CELF2: variants seen among roughly 807,000 people sequenced by gnomAD.
CELF2 encodes the protein CUG triplet repeat RNA-binding protein 2.
A neutral mutation model predicts 62.6 loss-of-function variants in CELF2; 8 were observed. The ratio of observed to expected loss-of-function variants is 0.13; its 90% CI spans 0.07 to 0.23. CELF2 has a LOEUF of 0.23. Ranked by LOEUF, CELF2 falls within the 10% of genes least tolerant of loss-of-function variation. The pLI, the probability that CELF2 is intolerant of heterozygous loss-of-function variation, is 1.00. For synonymous variants in CELF2, 258 were observed against 250.0 expected (o/e 1.03, Z -0.30); for missense variants, 333 against 671.0 (o/e 0.50, Z 5.56).
chr10:11,176,871 A>C (rs1596679154), intron 2 of CELF2, among the ~76,000 whole-genome samples: 1 of 152,156 alleles, frequency 6.6e-6, no homozygotes, highest in South Asian at 2.1e-4. Flanking sequence ...AGCTACACTC[A>C]GTTTTGAAGA....
chr10:11,281,860 A>ATCTTCTGTTCAT (rs2088940452), intron 8 of CELF2, among the ~76,000 whole-genome samples: 1 of 152,262 alleles, frequency 6.6e-6, no homozygotes, highest in African/African-American at 2.4e-5. Context: ...TGAAGACACG[A>ATCTTCTGTTCAT]TCACAAGTTC....
At chr10:11,179,756 CT>C (rs1351286983) in intron 2 of CELF2, among the ~76,000 whole-genome samples, 31 of 152,244 alleles carry the variant, frequency 2.0e-4, no homozygotes, top group African/African-American at 6.5e-4. Flanking sequence ...TCTTTCCCCC[CT>C]GAAGGCTCTG....
chr10:10,886,638 G>A (rs968576664), intron 1 of CELF2, among the ~76,000 whole-genome samples: 1 of 152,152 alleles, frequency 6.6e-6, no homozygotes, highest in Non-Finnish European at 1.5e-5. Flanking sequence ...GAAGTTCAAG[G>A]CCAGCCTAGG....
At chr10:11,071,695 C>T (rs965397670) in intron 1 of CELF2, 3 of 152,180 alleles carry the variant, frequency 2.0e-5, no homozygotes, top group Admixed American at 2.0e-4. Context: ...GGAAGTAGTT[C>T]TGAGAAATGA....
At chr10:11,147,969 A>G (rs1425637966) in intron 1 of CELF2, among the ~76,000 whole-genome samples, 1 of 152,254 alleles carries the variant, frequency 6.6e-6, no homozygotes, top group African/African-American at 2.4e-5. Context: ...AGACGGCCAC[A>G]GGGCAGAATG....
At chr10:10,803,354 C>T (rs2054864670) in intron 1 of CELF2, among the ~76,000 whole-genome samples, 1 of 152,250 alleles carries the variant, frequency 6.6e-6, no homozygotes, top group South Asian at 2.1e-4. Flanking sequence ...AATCTCCTCC[C>T]TCTCTCCCCA....
the CELF2 span, among the ~76,000 whole-genome samples, chr10:10,507,541 A>T: frequency 6.6e-6 from 1 of 152,196 alleles, no homozygotes; most frequent in Non-Finnish European, 1.5e-5. Flanking sequence ...AGTCCAGAGG[A>T]TATAGTAGGG....
At position 10,914,541 on chromosome 10, in the gene CELF2, T is replaced by C. The variant is rs975596070; in HGVS notation, c.54-5423T>C. Among the ~76,000 whole-genome samples, 5 of 152,204 alleles carry C rather than the reference T, an allele frequency of 3.3e-5. 1 individual carries two copies. The highest frequency in any genetic ancestry group is 1.3e-4 in the Admixed American group (2 of 15,278). ...ACACAGGGGACACTTGTCTGCTATC[T>C]TTTTCGGGATTTTTTTCCTTCAATA... On this transcript the variant is annotated intron_variant, in intron 1 of 13. Coordinates refer to the CELF2 transcript ENST00000636488.
chr10:10,918,076 C>A (rs1305668316), intron 1 of CELF2: 1 of 152,240 alleles, frequency 6.6e-6, no homozygotes, highest in East Asian at 1.9e-4. Context: ...TCAAGGTCAA[C>A]GAGGCCAGAA....
At chr10:11,080,745 C>T (rs2073788324) in intron 1 of CELF2, among the ~76,000 whole-genome samples, 2 of 152,182 alleles carry the variant, frequency 1.3e-5, no homozygotes, top group Non-Finnish European at 2.9e-5. Context: ...AGCCCCTATT[C>T]CGGAGGTGGA....
chr10:11,325,338 T>C (rs991731571), intron 11 of CELF2, among the ~76,000 whole-genome samples: 4 of 152,224 alleles, frequency 2.6e-5, no homozygotes, highest in African/African-American at 9.6e-5. Context: ...ATTTGGCAAA[T>C]CAAAACTGGC....
the CELF2 span, among the ~76,000 whole-genome samples, chr10:10,567,203 C>T: frequency 6.6e-6 from 1 of 152,176 alleles, no homozygotes; most frequent in Non-Finnish European, 1.5e-5. Flanking sequence ...ATGGTAGAGA[C>T]ACCTGAAGAA....
At chr10:10,558,864 C>A in the CELF2 span, among the ~76,000 whole-genome samples, 1 of 151,934 alleles carries the variant, frequency 6.6e-6, no homozygotes. Flanking sequence ...TTATATTTCA[C>A]TGGGCACATG....
the CELF2 span, among the ~76,000 whole-genome samples, chr10:10,781,418 C>G: frequency 5.6e-4 from 86 of 152,290 alleles, no homozygotes; most frequent in African/African-American, 1.9e-3. Flanking sequence ...AATGGACTCA[C>G]AGTTCCACAT....
chr10:10,905,034 T>C (rs2063225574), intron 1 of CELF2, among the ~76,000 whole-genome samples: 1 of 152,250 alleles, frequency 6.6e-6, no homozygotes, highest in African/African-American at 2.4e-5. Context: ...GTTTCAACTG[T>C]TCACATTAGA....
At chr10:10,811,975 G>C (rs1337988993) in intron 1 of CELF2, among the ~76,000 whole-genome samples, 1 of 152,032 alleles carries the variant, frequency 6.6e-6, no homozygotes, top group African/African-American at 2.4e-5. Context: ...TTGGCTAAAA[G>C]TCCCAGAATC....
chr10:10,807,916 G>A (rs918078027), intron 1 of CELF2, among the ~76,000 whole-genome samples: 11 of 152,152 alleles, frequency 7.2e-5, no homozygotes, highest in Admixed American at 2.0e-4. Context: ...AATGACATCA[G>A]AATCTTGCAC....
the CELF2 span, among the ~76,000 whole-genome samples, chr10:10,690,578 C>T: frequency 1.3e-5 from 2 of 152,164 alleles, no homozygotes; most frequent in Non-Finnish European, 2.9e-5. Flanking sequence ...AGACCACCTG[C>T]ATGCAAAATA....
rs1473146447 is a variant in CELF2, at chr10:11,223,355, TG to T, written c.354+5849del. Among the ~76,000 whole-genome samples, 6 of 152,212 alleles carry T rather than the reference TG, an allele frequency of 3.9e-5. No homozygotes were observed. The highest frequency in any genetic ancestry group is 8.8e-5 in the Non-Finnish European group (6 of 68,028). ...TGTGGAGCACCCCAGCATACAAACGTGTGGAACATACACGTATTCCACACAT... is the reference window on the plus strand; with the variant it reads ...TGTGGAGCACCCCAGCATACAAACGTTGGAACATACACGTATTCCACACAT... On this transcript the variant is annotated intron_variant, in intron 3 of 12. Transcript: ENST00000633077. This position sits in a 1 kb window ranked among gnomAD's most constrained non-coding sequence, Gnocchi z 5.1.
Sources: allele counts gnomAD v4.1 joint callset (sites outside exome capture counted in the v4.1 genomes callset), GRCh38; gene constraint gnomAD v4.1.1; non-coding constraint Gnocchi (gnomAD v3.1); transcripts MANE v1.5; gene names NCBI Gene and HGNC (gene_info 2026-07-23, HGNC 2026-07-21).